The following DAAM1 variants were observed in gnomAD, a reference collection of about 807,000 sequenced individuals.
DAAM1 encodes the protein dishevelled associated activator of morphogenesis 1.
A neutral mutation model predicts 130.0 loss-of-function variants in DAAM1; 52 were observed. The observed-to-expected ratio is 0.40, with a 90% CI of 0.32 to 0.50. The LOEUF is 0.50. Among genes scored for constraint, DAAM1 ranks in the 20% least tolerant of loss-of-function variants. The pLI is 0.61. For synonymous variants in DAAM1, 452 were observed against 444.5 expected, an observed-to-expected ratio of 1.02 and a Z score of -0.21; for missense variants, 1,134 against 1,303.8, an observed-to-expected ratio of 0.87 and a Z score of 2.01.
At chr14:59,332,372 G>C (rs1222805074) in intron 15 of DAAM1, among the ~76,000 whole-genome samples, 1 of 152,198 alleles carries the variant, frequency 6.6e-6, no homozygotes, top group African/African-American at 2.4e-5. Context: ...TAGAAGTATG[G>C]AGGTTTTTAA....
intron 7 of DAAM1, 46 bp from the exon 8 acceptor site, chr14:59,324,305 A>T: frequency 6.8e-7 from 1 of 1,461,656 alleles, no homozygotes; most frequent in Non-Finnish European, 9.1e-7. Flanking sequence ...ATTATTATGT[A>T]GTCTAAAAAC....
intron 1 of DAAM1, among the ~76,000 whole-genome samples, chr14:59,245,970 C>T (rs995722346): frequency 2.6e-5 from 4 of 152,212 alleles, no homozygotes; most frequent in East Asian, 1.9e-4. Flanking sequence ...CAAAATGAGA[C>T]GCTGAAGAAC....
intron 20 of DAAM1, among the ~76,000 whole-genome samples, chr14:59,357,116 T>G (rs572210109): frequency 1.3e-5 from 2 of 152,368 alleles, no homozygotes; most frequent in South Asian, 4.1e-4. Context: ...TTTTAAGAAT[T>G]TGCATTTAGT....
At position 59,218,593 on chromosome 14, in the gene DAAM1, T is replaced by C. The variant is rs1319412836; in HGVS notation, c.-38+29825T>C. The stretch of plus-strand genomic sequence containing the variant: ...TACCATTCCTTGACATTAGAACTGA[T>C]ACTTCCATGTCCAAGAGTGAAATCA... On this transcript the variant is annotated intron_variant, in intron 1 of 24. Coordinates refer to ENST00000360909, the MANE Select transcript of DAAM1 (RefSeq NM_001270520.2). Among the ~76,000 whole-genome samples the C allele has an allele frequency of 3.3e-5, 5 of 152,236 alleles. No homozygotes were observed. In the East Asian group the frequency reaches 9.6e-4, roughly 29 times the overall value.
At chr14:59,194,188 T>C (rs1887818869) in intron 1 of DAAM1, among the ~76,000 whole-genome samples, 2 of 152,128 alleles carry the variant, frequency 1.3e-5, no homozygotes, top group Admixed American at 1.3e-4. Context: ...GCAACTCGAG[T>C]TGGGGTAATC....
chr14:59,364,458 C>T (rs1886834116), intron 23 of DAAM1, among the ~76,000 whole-genome samples: 1 of 152,088 alleles, frequency 6.6e-6, no homozygotes, highest in Non-Finnish European at 1.5e-5. Flanking sequence ...TCACCTCACT[C>T]CTCTCTATCT....
chr14:59,321,438 G>A (rs1885006259), intron 5 of DAAM1, among the ~76,000 whole-genome samples: 1 of 152,238 alleles, frequency 6.6e-6, no homozygotes, highest in Admixed American at 6.5e-5. Context: ...TTTATGGCAT[G>A]TGAATTATTT....
chr14:59,214,319 T>C (rs187749391), intron 1 of DAAM1, among the ~76,000 whole-genome samples: 7 of 152,352 alleles, frequency 4.6e-5, no homozygotes, highest in Non-Finnish European at 8.8e-5. Flanking sequence ...ATTTAGATTC[T>C]TCCAAGTTGG....
chr14:59,359,000 C>T (rs1244162614), intron 20 of DAAM1, among the ~76,000 whole-genome samples: 2 of 152,146 alleles, frequency 1.3e-5, no homozygotes, highest in Non-Finnish European at 2.9e-5. Flanking sequence ...GCAGGGCACA[C>T]CCCATTTTAG....
intron 3 of DAAM1, among the ~76,000 whole-genome samples, chr14:59,297,903 C>T (rs1884017617): frequency 6.6e-6 from 1 of 152,070 alleles, no homozygotes; most frequent in Non-Finnish European, 1.5e-5. Context: ...TAGAATGTAT[C>T]CCCCATAGAT....
chr14:59,316,365 C>A (rs1380829700), intron 4 of DAAM1, among the ~76,000 whole-genome samples: 3 of 152,156 alleles, frequency 2.0e-5, no homozygotes, highest in Admixed American at 6.5e-5. Flanking sequence ...ATATGTGAGT[C>A]GTTCACATGT....
At chr14:59,191,661 T>G (rs1329180440) in intron 1 of DAAM1, among the ~76,000 whole-genome samples, 2 of 152,210 alleles carry the variant, frequency 1.3e-5, no homozygotes, top group African/African-American at 4.8e-5. Context: ...TCACATCGAC[T>G]GTTTCTTTGT....
chr14:59,303,793 G>A (rs555064877), intron 3 of DAAM1, among the ~76,000 whole-genome samples: 2 of 152,092 alleles, frequency 1.3e-5, no homozygotes, highest in Admixed American at 6.6e-5. Flanking sequence ...CCAGCTACTC[G>A]AGAGGTTGAG....
intron 23 of DAAM1, among the ~76,000 whole-genome samples, chr14:59,366,288 A>G (rs1886914195): frequency 6.6e-6 from 1 of 152,202 alleles, no homozygotes; most frequent in African/African-American, 2.4e-5. Context: ...AATTTGGAAT[A>G]AAATTGTATT....
rs551068009 is a variant in DAAM1 at position 59,327,406 on chromosome 14, T to C, written c.1372+415T>C. ...GAAGAACAGGTCACTTGGTTTCTTT[T>C]TTTTTTTTTTTTTTTTTTTTGAGAT... On this transcript the variant is annotated intron_variant, in intron 12 of 24. Transcript: ENST00000360909. 1.7e-4 allele frequency among the ~76,000 whole-genome samples: 21 copies of C among 121,334 alleles called. No homozygotes were observed. In the South Asian group the frequency reaches 6.1e-3, roughly 35 times the overall value. 79.6% of individuals were successfully genotyped at this position (121,334 alleles called of 152,430 possible). A position where few individuals can be genotyped will look rare whatever the true frequency, so the allele number is the denominator to read the frequency against.
chr14:59,254,869 G>A (rs971610704), intron 1 of DAAM1, among the ~76,000 whole-genome samples: 34 of 152,196 alleles, frequency 2.2e-4, no homozygotes, highest in African/African-American at 7.7e-4. Flanking sequence ...GCAGAGTTGG[G>A]CATAGTGTTT....
chr14:59,326,414 G>A, intron 10 of DAAM1, 96 bp from the exon 11 acceptor site: 1 of 1,259,360 alleles, frequency 7.9e-7, no homozygotes. Context: ...AACATCTCTG[G>A]TTTGGTGGCT....
intron 3 of DAAM1, among the ~76,000 whole-genome samples, chr14:59,294,031 T>C (rs1209331648): frequency 6.6e-6 from 1 of 152,138 alleles, no homozygotes; most frequent in African/African-American, 2.4e-5. Context: ...AAAGCTACAC[T>C]CCCAGGGCTC....
chr14:59,224,096 T>G (rs1888861707), intron 1 of DAAM1, among the ~76,000 whole-genome samples: 1 of 152,200 alleles, frequency 6.6e-6, no homozygotes, highest in Non-Finnish European at 1.5e-5. Flanking sequence ...GTTGGCCTTG[T>G]CAGGTGACAG....
Sources: allele counts gnomAD v4.1 joint callset (sites outside exome capture counted in the v4.1 genomes callset), GRCh38; gene constraint gnomAD v4.1.1; transcripts MANE v1.5; gene names NCBI Gene and HGNC (gene_info 2026-07-23, HGNC 2026-07-21).